TKFC: variants seen among roughly 807,000 people sequenced by gnomAD.
TKFC encodes the protein triokinase and FMN cyclase.
A neutral mutation model predicts 61.0 loss-of-function variants in TKFC; 46 were observed. The observed-to-expected ratio is 0.75, with a 90% CI of 0.60 to 0.96. TKFC has a LOEUF of 0.96. Ranked by LOEUF, TKFC falls within the 50% of genes least tolerant of loss-of-function variation. TKFC has a pLI of 0.00. For missense variants in TKFC, 715 were observed against 777.5 expected, an observed-to-expected ratio of 0.92 and a Z score of 0.96; for synonymous variants, 314 against 330.1, an observed-to-expected ratio of 0.95 and a Z score of 0.53.
intron 11 of TKFC, 145 bp from the exon 12 acceptor site, chr11:61,343,711 C>T (rs1856975372): frequency 4.8e-6 from 6 of 1,242,572 alleles, no homozygotes; most frequent in Non-Finnish European, 6.7e-6. Flanking sequence ...ACAGTAGGCA[C>T]TCAGTCCATG....
rs1185321712 is a variant in TKFC at position 61,338,069 on chromosome 11, CCTCAAGGG to C, written c.134_141del (p.Leu45ProfsTer13). On this transcript the variant is annotated frameshift_variant, in exon 3 of 18. Transcript: ENST00000394900. Reference sequence around the variant, plus strand: ...TGGCCCTCCGTTCTGACCTGGACAGCCTCAAGGGCCGGGTGGCACTGCTGTCGGGTGGG... The same window carrying C: ...TGGCCCTCCGTTCTGACCTGGACAGCCCGGGTGGCACTGCTGTCGGGTGGG... The C allele has an allele frequency of 6.2e-7, 1 of 1,611,476 alleles. No individual in the cohort carries two copies. The highest frequency in any genetic ancestry group is 1.3e-5 in the African/African-American group (1 of 75,002).
chr11:61,353,172 G>A (rs886326560), downstream of TKFC: 11 of 1,561,688 alleles, frequency 7.0e-6, no homozygotes, highest in African/African-American at 1.4e-4. Context: ...ACCCGACTGT[G>A]CTATGTGTGA....
chr11:61,344,665 A>C (rs1857031752), intron 13 of TKFC, among the ~76,000 whole-genome samples: 1 of 152,124 alleles, frequency 6.6e-6, no homozygotes, highest in Non-Finnish European at 1.5e-5. Flanking sequence ...CACCCGGCCG[A>C]CAGGGACCTT....
At chr11:61,349,470 A>T (rs964666399), downstream of TKFC, 3 of 690,734 alleles carry the variant, frequency 4.3e-6, no homozygotes, top group Non-Finnish European at 8.0e-6. Flanking sequence ...TGATCCAGCA[A>T]GGAGAAGTAG....
rs149619379 is a variant in TKFC, at chr11:61,340,022, A to T, written c.486+587A>T. 4.1e-4 allele frequency among the ~76,000 whole-genome samples: 61 copies of T among 148,536 alleles called. No individual in the cohort carries two copies. The East Asian group carries it at 0.011, about 28-fold the overall frequency. Reference sequence around the variant, plus strand: ...TTATTTATTTTTTATTTATTTATTTATTTTTTGAGGCAGAGTCTCACTCTG... The same window carrying T: ...TTATTTATTTTTTATTTATTTATTTTTTTTTTGAGGCAGAGTCTCACTCTG... On this transcript the variant is annotated intron_variant, in intron 5 of 17. Transcript: ENST00000394900.
chr11:61,342,697 A>T (rs4939514), intron 9 of TKFC, 39 bp downstream of exon 9: 5 of 1,613,602 alleles, frequency 3.1e-6, no homozygotes, highest in Admixed American at 3.3e-5. Flanking sequence ...ACCCCTCCTA[A>T]ACCTCTGGGG....
chr11:61,335,159 C>A (rs1173271671), intron 2 of TKFC, among the ~76,000 whole-genome samples: 1 of 152,208 alleles, frequency 6.6e-6, no homozygotes, highest in Non-Finnish European at 1.5e-5. Flanking sequence ...TGTCCCTGGG[C>A]TTTGCTCCAG....
At position 61,341,894 on chromosome 11, in the gene TKFC, G is replaced by T; in HGVS notation, c.637G>T (p.Glu213Ter). ...ACCCACCTTCGAGCTCTCAGCCGACGAGGTGGAGCTGGGCCTGGGTAAGCT... is the reference window on the plus strand; with the variant it reads ...ACCCACCTTCGAGCTCTCAGCCGACTAGGTGGAGCTGGGCCTGGGTAAGCT... ...SKPTFELSAD[E>*]VELGLGIHGE... The change falls in exon 7 of 18, where the codon GAG (glutamate) becomes TAG (stop). Residue 213 changes from glutamate to a stop codon, truncating the protein, a stop_gained. Transcript: ENST00000394900. LOFTEE classifies it high-confidence loss of function. 1 of 1,613,456 alleles carries T rather than the reference G, an allele frequency of 6.2e-7. No individual in the cohort carries two copies. The highest frequency in any genetic ancestry group is 1.1e-5 in the South Asian group (1 of 91,032).
At chr11:61,352,067 A>T (rs1162799409), downstream of TKFC, 1 of 152,218 alleles carries the variant, frequency 6.6e-6, no homozygotes, top group Non-Finnish European at 1.5e-5. Context: ...ACTGAAGCTC[A>T]AAGCAATGAA....
Position 61,343,016 on chromosome 11 carries a change from T to C in TKFC, c.865+172T>C, listed in dbSNP as rs964259383. ...TCTGTTTGTTTTCTTGTCTGCAAAT[T>C]GGGGGTAATAATAATGGTACCTGCT... On this transcript the variant is annotated intron_variant, in intron 10 of 17. Transcript: ENST00000394900. 5.7e-5 allele frequency: 38 copies of C among 667,014 alleles called. No homozygotes were observed. In the African/African-American group the frequency reaches 6.3e-4, roughly 11 times the overall value. 41.3% of individuals were successfully genotyped at this position (667,014 alleles called of 1,614,324 possible). A position where few individuals can be genotyped will look rare whatever the true frequency, so the allele number is the denominator to read the frequency against.
intron 7 of TKFC, chr11:61,342,259 C>T (rs1300531209): frequency 1.5e-5 from 10 of 681,342 alleles, no homozygotes; most frequent in Non-Finnish European, 2.5e-5. Flanking sequence ...TCCTCCTTAA[C>T]TATCTCTAGT....
At chr11:61,342,137 C>T (rs1197137103) in intron 7 of TKFC, among the ~76,000 whole-genome samples, 1 of 152,182 alleles carries the variant, frequency 6.6e-6, no homozygotes, top group African/African-American at 2.4e-5. Context: ...TGCCCACCTC[C>T]TAGCCTTTGC....
Position 61,339,323 on chromosome 11 carries a change from C to A in TKFC, c.374C>A (p.Ala125Asp), listed in dbSNP as rs1399920747. ...RLNFGLAREQ[A>D]RAEGIPVEMV... ...AACTTCGGCCTGGCCCGGGAGCAGGCCCGGGCTGAAGGCATCCCGGTGGAG... is the reference window on the plus strand; with the variant it reads ...AACTTCGGCCTGGCCCGGGAGCAGGACCGGGCTGAAGGCATCCCGGTGGAG... Residue 125 changes from alanine (A) to aspartate (D), a missense_variant, in exon 5 of 18, where the codon GCC (alanine) becomes GAC (aspartate). By Grantham distance (126) the Ala-to-Asp change is moderately radical. Coordinates refer to ENST00000394900, the MANE Select transcript of TKFC (RefSeq NM_015533.4). The A allele has an allele frequency of 6.2e-7, 1 of 1,613,886 alleles. No homozygotes were observed. Among genetic ancestry groups the A allele is most frequent in the Non-Finnish European group, 8.5e-7 (1 of 1,180,024 alleles).
At position 61,342,619 on chromosome 11, in the gene TKFC, A is replaced by G; in HGVS notation, c.736A>G (p.Thr246Ala). 1 of 1,614,028 alleles carries G rather than the reference A, an allele frequency of 6.2e-7. No homozygotes were observed. Among genetic ancestry groups the G allele is most frequent in the Non-Finnish European group, 8.5e-7 (1 of 1,180,004 alleles). Residue 246 changes from threonine (T) to alanine (A), a missense_variant, in exon 9 of 18, where the codon ACA (threonine) becomes GCA (alanine). Coordinates refer to ENST00000394900, the MANE Select transcript of TKFC (RefSeq NM_015533.4). ...EIVKLMLDHM[T>A]NTTNASHVPV... Reference sequence around the variant, plus strand: ...TGTGAAACTCATGCTCGACCACATGACAAACACCACCAACGCGTCCCATGT... The same window carrying G: ...TGTGAAACTCATGCTCGACCACATGGCAAACACCACCAACGCGTCCCATGT...
chr11:61,337,315 T>C (rs529465419), intron 2 of TKFC, among the ~76,000 whole-genome samples: 1 of 152,194 alleles, frequency 6.6e-6, no homozygotes, highest in Non-Finnish European at 1.5e-5. Flanking sequence ...TGGATCATTT[T>C]TCATATTTTT....
In TKFC at chr11:61,345,330, C is replaced by T. The variant is rs2305465; in HGVS notation, c.1311C>T (p.Val437=). The stretch of plus-strand genomic sequence containing the variant: ...CCCAGCTGCTCTCCAAGTTGTCTGT[C>T]CTGCTCCTGGAGAAGATGGGAGGCT... The part of the protein sequence containing the change: ...SPAQLLSKLS[V]LLLEKMGGSS... The change falls in exon 14 of 18, where the codon GTC becomes GTT. Residue 437 remains valine, a synonymous_variant. Transcript: ENST00000394900. The T allele has an allele frequency of 0.96, 1,537,055 of 1,606,252 alleles. 746,136 individuals are homozygous for T. The highest frequency in any genetic ancestry group is 0.99 in the Non-Finnish European group (1,166,073 of 1,174,838).
At chr11:61,335,513 T>G (rs1590713612) in intron 2 of TKFC, 1 of 152,212 alleles carries the variant, frequency 6.6e-6, no homozygotes. Flanking sequence ...GGGCTTGGAG[T>G]GAGGCCAACT....
Position 61,339,246 on chromosome 11 carries a change from T to C in TKFC, c.305-8T>C, listed in dbSNP as rs980672009. ...AAGCACACTGAGCCCTTCCGGCTGCTCCCGCAGTGGGGACGCTCCTTATCG... is the reference window on the plus strand; with the variant it reads ...AAGCACACTGAGCCCTTCCGGCTGCCCCCGCAGTGGGGACGCTCCTTATCG... On this transcript the variant is annotated splice_polypyrimidine_tract_variant and splice_region_variant and intron_variant, in intron 4 of 17. Coordinates refer to ENST00000394900, the MANE Select transcript of TKFC (RefSeq NM_015533.4). The C allele has an allele frequency of 1.2e-6, 2 of 1,612,138 alleles. No individual in the cohort carries two copies. The highest frequency in any genetic ancestry group is 1.7e-6 in the Non-Finnish European group (2 of 1,178,834).
downstream of TKFC, chr11:61,350,098 C>T (rs201730663): frequency 3.6e-6 from 2 of 559,236 alleles, no homozygotes; most frequent in East Asian, 6.0e-5. Flanking sequence ...CCAAGGAAAG[C>T]AGACAGGCAG....
Sources: allele counts gnomAD v4.1 joint callset (sites outside exome capture counted in the v4.1 genomes callset), GRCh38; gene constraint gnomAD v4.1.1; transcripts MANE v1.5; gene names NCBI Gene and HGNC (gene_info 2026-07-23, HGNC 2026-07-21).